The following PTPRQ variants were observed in gnomAD, a reference collection of about 807,000 sequenced individuals.
The protein encoded by PTPRQ is protein tyrosine phosphatase receptor type Q, also known as phosphatidylinositol phosphatase PTPRQ.
A neutral mutation model predicts 246.0 loss-of-function variants in PTPRQ; 199 were observed. That is an observed-to-expected ratio of 0.81 (90% confidence interval 0.72 to 0.91). The LOEUF is 0.91. Ranked by LOEUF, PTPRQ falls within the 40% of genes least tolerant of loss-of-function variation. The probability of loss-of-function intolerance (pLI) is 0.00; values close to 1 mark genes in which losing one functional copy is unlikely to be tolerated. For synonymous variants in PTPRQ, 869 were observed against 853.2 expected (o/e 1.02, Z -0.32); for missense variants, 2,624 against 2,528.4 (o/e 1.04, Z -0.81).
Position 80,494,953 on chromosome 12 carries a change from AT to A in PTPRQ, c.1563del (p.Thr522LeufsTer22). The A allele has an allele frequency of 6.5e-7, 1 of 1,549,628 alleles. No individual in the cohort carries two copies. Among genetic ancestry groups the A allele is most frequent in the African/African-American group, 1.4e-5 (1 of 73,016 alleles). ...AACAGTAACTACAAGGAATCAGTAT[AT>A]TACTGACATTGCAGCTGAACAGCTG... ...SPVVTTRNQY[I>X]TDIAAEQLSY... On this transcript the variant is annotated frameshift_variant, in exon 11 of 45. Transcript: ENST00000644991. LOFTEE classifies it high-confidence loss of function.
intron 35 of PTPRQ, among the ~76,000 whole-genome samples, chr12:80,646,765 C>T (rs2121215160): frequency 6.6e-6 from 1 of 151,970 alleles, no homozygotes; most frequent in African/African-American, 2.4e-5. Context: ...AAAAAAAAAT[C>T]TTTAGGGAGA....
At chr12:80,553,755 T>C (rs543755746) in intron 25 of PTPRQ, among the ~76,000 whole-genome samples, 3 of 152,262 alleles carry the variant, frequency 2.0e-5, no homozygotes, top group Admixed American at 2.0e-4. Context: ...CCCCCAAGCT[T>C]GGTTCTACAT....
intron 23 of PTPRQ, among the ~76,000 whole-genome samples, chr12:80,544,817 A>G (rs1727923932): frequency 6.6e-6 from 1 of 152,000 alleles, no homozygotes; most frequent in African/African-American, 2.4e-5. Context: ...CTTTTAAATT[A>G]TGTGTGCATT....
intron 3 of PTPRQ, among the ~76,000 whole-genome samples, chr12:80,452,286 A>G (rs2120425033): frequency 6.6e-6 from 1 of 151,226 alleles, no homozygotes; most frequent in African/African-American, 2.4e-5. Context: ...TTTCCTGAAT[A>G]CAGCACACTG....
chr12:80,622,533 C>T (rs1899034084), intron 33 of PTPRQ, among the ~76,000 whole-genome samples: 1 of 152,026 alleles, frequency 6.6e-6, no homozygotes, highest in Admixed American at 6.6e-5. Flanking sequence ...ATGCACAAAA[C>T]AGCCCGTAAT....
chr12:80,597,323 T>G (rs79735971), intron 26 of PTPRQ, among the ~76,000 whole-genome samples: 5,751 of 152,092 alleles, frequency 0.038, 337 homozygotes, highest in African/African-American at 0.12. Flanking sequence ...ATTATTCCAG[T>G]TTGTTCCAAT....
At position 80,484,606 on chromosome 12, in the gene PTPRQ, G is replaced by A. The variant is rs968132035; in HGVS notation, c.1359+1G>A. 3 of 1,548,718 alleles carry A rather than the reference G, an allele frequency of 1.9e-6. No homozygotes were observed. Among genetic ancestry groups the A allele is most frequent in the Non-Finnish European group, 2.6e-6 (3 of 1,146,268 alleles). On this transcript the variant is annotated splice_donor_variant, in intron 9 of 44. Transcript: ENST00000644991. LOFTEE classifies it high-confidence loss of function. ...TACTTTGCTCACTGGAAATAATGAG[G>A]TATTGCATTTTTATTTCACTTATTG...
intron 27 of PTPRQ, among the ~76,000 whole-genome samples, chr12:80,606,107 T>C (rs936284337): frequency 2.0e-5 from 3 of 151,040 alleles, no homozygotes; most frequent in African/African-American, 7.3e-5. Context: ...CAGAAGATTA[T>C]GAGGAGGAAC....
chr12:80,615,535 G>A (rs1036860417), intron 29 of PTPRQ, among the ~76,000 whole-genome samples: 3 of 151,058 alleles, frequency 2.0e-5, no homozygotes, highest in Admixed American at 6.6e-5. Context: ...AAGGATTCAC[G>A]TTTGTGTAAA....
At chr12:80,469,984 T>A (rs975443039) in intron 7 of PTPRQ, among the ~76,000 whole-genome samples, 1 of 152,214 alleles carries the variant, frequency 6.6e-6, no homozygotes, top group African/African-American at 2.4e-5. Flanking sequence ...TGGGAGAAGA[T>A]CATTGGAACA....
Position 80,495,216 on chromosome 12 carries a change from A to T in PTPRQ, c.1727A>T (p.Asn576Ile). The part of the protein sequence containing the change: ...QQVPSSIKII[N>I]YKNISSSSIL... Reference sequence around the variant, plus strand: ...GTGCCAAGCTCCATTAAAATTATAAACTATAAAAATATTAGTTCTTCATCT... The same window carrying T: ...GTGCCAAGCTCCATTAAAATTATAATCTATAAAAATATTAGTTCTTCATCT... Residue 576 changes from asparagine (N) to isoleucine (I), a missense_variant, in exon 12 of 45, where the codon AAC becomes ATC. Transcript: ENST00000644991. 6.5e-7 allele frequency: 1 copy of T among 1,538,746 alleles called. No individual in the cohort carries two copies. The highest frequency in any genetic ancestry group is 8.7e-7 in the Non-Finnish European group (1 of 1,143,022).
intron 43 of PTPRQ, among the ~76,000 whole-genome samples, chr12:80,675,877 A>C (rs564100819): frequency 2.0e-5 from 3 of 152,168 alleles, no homozygotes; most frequent in African/African-American, 4.8e-5. Context: ...GACTTTGTTT[A>C]GTTAGCCTCT....
rs533247418 is a variant in PTPRQ at position 80,506,100 on chromosome 12, A to G, written c.2349A>G (p.Pro783=). Residue 783 remains proline, a synonymous_variant, in exon 15 of 45, where the codon CCA becomes CCG. Transcript: ENST00000644991. The stretch of plus-strand genomic sequence containing the variant: ...AGATTGAGCTATCATTCCTTCCCCC[A>G]AGTAGTCCCAATGGAATCATACAAA... The part of the protein sequence containing the change: ...SGEIELSFLP[P]SSPNGIIQKY... 52 of 1,544,574 alleles carry G rather than the reference A, an allele frequency of 3.4e-5. 1 individual carries two copies. In the African/African-American group the frequency reaches 4.4e-4, roughly 13 times the overall value.
intron 25 of PTPRQ, among the ~76,000 whole-genome samples, chr12:80,549,963 C>G (rs1896424096): frequency 6.6e-6 from 1 of 152,064 alleles, no homozygotes; most frequent in South Asian, 2.1e-4. Context: ...AGAGATGATC[C>G]TCTTTACTGT....
chr12:80,513,479 T>G (rs1311036600), intron 17 of PTPRQ, among the ~76,000 whole-genome samples: 1 of 152,138 alleles, frequency 6.6e-6, no homozygotes, highest in Non-Finnish European at 1.5e-5. Flanking sequence ...CAGCCGCTTG[T>G]GTGTGTGCCC....
intron 4 of PTPRQ, 49 bp downstream of exon 4, chr12:80,457,693 G>C: frequency 5.0e-6 from 2 of 399,056 alleles, no homozygotes; most frequent in Admixed American, 8.8e-5. Flanking sequence ...TGAGTTTGTC[G>C]TTTAAAATAA....
intron 17 of PTPRQ, among the ~76,000 whole-genome samples, chr12:80,522,554 T>C (rs969649994): frequency 6.6e-6 from 1 of 152,168 alleles, no homozygotes; most frequent in Non-Finnish European, 1.5e-5. Flanking sequence ...CCTAATTTAT[T>C]GAGAGTTTTT....
chr12:80,675,500 TG>T (rs1481593511), intron 43 of PTPRQ, among the ~76,000 whole-genome samples: 1 of 152,136 alleles, frequency 6.6e-6, no homozygotes, highest in East Asian at 1.9e-4. Flanking sequence ...ACATAGACAC[TG>T]GGGATCAGTG....
chr12:80,668,986 T>C (rs1900876943), intron 39 of PTPRQ, 21 bp from the exon 40 acceptor site: 1 of 1,542,254 alleles, frequency 6.5e-7, no homozygotes, highest in African/African-American at 1.4e-5. Context: ...TGATGCAGTG[T>C]TTGTAATTAT....
Sources: gnomAD v4.1 joint callset for allele counts (sites outside exome capture counted in the v4.1 genomes callset) on GRCh38, gnomAD v4.1.1 for gene constraint, MANE v1.5 for transcripts, NCBI Gene and HGNC (gene_info 2026-07-23, HGNC 2026-07-21) for gene names.